SLC9A3: variants seen among roughly 807,000 people sequenced by gnomAD.
SLC9A3 encodes sodium/hydrogen exchanger 3.
A neutral mutation model predicts 86.8 loss-of-function variants in SLC9A3; 37 were observed. The ratio of observed to expected loss-of-function variants is 0.43; its 90% CI spans 0.33 to 0.56. The LOEUF (loss-of-function observed/expected upper bound fraction) is 0.56, where lower values mean the gene tolerates loss of function less well. Among genes scored for constraint, SLC9A3 ranks in the 20% least tolerant of loss-of-function variants. The pLI, the probability that SLC9A3 is intolerant of heterozygous loss-of-function variation, is 0.06. For synonymous variants in SLC9A3, 581 were observed against 528.3 expected, an observed-to-expected ratio of 1.10 and a Z score of -1.37; for missense variants, 1,011 against 1,171.9, an observed-to-expected ratio of 0.86 and a Z score of 2.00.
intron 1 of SLC9A3, among the ~76,000 whole-genome samples, chr5:519,946 C>T (rs913100309): frequency 4.6e-5 from 7 of 152,200 alleles, no homozygotes; most frequent in Non-Finnish European, 1.0e-4. Context: ...ATACCCGTCT[C>T]GCTCCTGCCT....
In SLC9A3 at chr5:472,960, G is replaced by A. The variant is rs973632517; in HGVS notation, c.*419C>T. On this transcript the variant is annotated 3_prime_UTR_variant, in exon 17 of 17. Transcript: ENST00000264938. ...TGGCGCGCGGACCCTTCCCGCCGGC[G>A]GCGTCACAGCGGCGTCTCCTCCTGC... is the stretch of plus-strand genomic sequence containing the variant. 2 of 526,674 alleles carry A rather than the reference G, an allele frequency of 3.8e-6. No homozygotes were observed. The highest frequency in any genetic ancestry group is 7.3e-5 in the East Asian group (2 of 27,454). 32.6% of individuals were successfully genotyped at this position (526,674 alleles called of 1,614,324 possible). A position where few individuals can be genotyped will look rare whatever the true frequency, so the allele number is the denominator to read the frequency against.
rs575163606 is a variant in SLC9A3 at position 477,383 on chromosome 5, A to G, written c.1709T>C (p.Val570Ala). 2 of 1,613,210 alleles carry G rather than the reference A, an allele frequency of 1.2e-6. No individual in the cohort carries two copies. Among genetic ancestry groups the G allele is most frequent in the South Asian group, 2.2e-5 (2 of 91,024 alleles). ...RSPSTDNVVN[V>A]DFTPRSSTVE... ...GGTGGACGATCGTGGCGTGAAGTCCACGTTGACCACGTTGTCGGTGCTGGG... is the reference window on the plus strand; with the variant it reads ...GGTGGACGATCGTGGCGTGAAGTCCGCGTTGACCACGTTGTCGGTGCTGGG... The change falls in exon 11 of 17, where the codon GTG becomes GCG. Residue 570 changes from valine to alanine, a missense_variant. By Grantham distance (64) the Val-to-Ala change is moderately conservative. Coordinates refer to ENST00000264938, the MANE Select transcript of SLC9A3 (RefSeq NM_004174.4).
chr5:510,425 G>T (rs552555418), intron 1 of SLC9A3, among the ~76,000 whole-genome samples: 5 of 152,302 alleles, frequency 3.3e-5, no homozygotes, highest in Non-Finnish European at 7.4e-5. Context: ...TGAGCCCAGG[G>T]GTGGAGACCT....
intron 1 of SLC9A3, among the ~76,000 whole-genome samples, chr5:494,007 C>T (rs765710992): frequency 2.0e-5 from 3 of 152,232 alleles, no homozygotes; most frequent in South Asian, 2.1e-4. Context: ...CTGGGGAACA[C>T]GGAGGGTGAG....
chr5:507,082 AAAT>A lies in SLC9A3; in HGVS notation c.212-15014_212-15012del, dbSNP rs1426585134. On this transcript the variant is annotated intron_variant, in intron 1 of 16. Coordinates refer to ENST00000264938, the MANE Select transcript of SLC9A3 (RefSeq NM_004174.4). ...ACAGAGTGATACTGTCTCAAAAAAT[AAAT>A]AAATAAATAAATAAATAAATAAATA... Among the ~76,000 whole-genome samples, 26 of 29,526 alleles carry A rather than the reference AAAT, an allele frequency of 8.8e-4. No individual in the cohort carries two copies. The South Asian group carries it at 0.012, about 13-fold the overall frequency. 19.4% of individuals were successfully genotyped at this position (29,526 alleles called of 152,430 possible). A position where few individuals can be genotyped will look rare whatever the true frequency, so the allele number is the denominator to read the frequency against.
intron 2 of SLC9A3, among the ~76,000 whole-genome samples, chr5:489,580 TGGC>T (rs1739631213): frequency 6.6e-6 from 1 of 152,204 alleles, no homozygotes; most frequent in African/African-American, 2.4e-5. Flanking sequence ...CAGCAGCCTC[TGGC>T]CAGTGTCACA....
rs577512166 is a variant in SLC9A3 at position 483,278 on chromosome 5, G to A, written c.1137C>T (p.Ser379=). 5.2e-6 allele frequency: 8 copies of A among 1,548,838 alleles called. No homozygotes were observed. The highest frequency in any genetic ancestry group is 2.4e-5 in the East Asian group (1 of 40,924). ...CCGCCTCACCGATGGCCCGGTACAC[G>A]GAGATGAAGACCAGCGTCAGGAGCA... The part of the protein sequence containing the change: ...AFVLLTLVFI[S]VYRAIGVVLQ... Residue 379 remains serine (S), a synonymous_variant, in exon 6 of 17, where the codon TCC becomes TCT. Coordinates refer to ENST00000264938, the MANE Select transcript of SLC9A3 (RefSeq NM_004174.4).
At chr5:522,761 A>G (rs796802644) in intron 1 of SLC9A3, among the ~76,000 whole-genome samples, 35 of 152,142 alleles carry the variant, frequency 2.3e-4, no homozygotes, top group African/African-American at 6.7e-4. Context: ...AAAAAGAAAA[A>G]AAAAGAAATT....
rs966258985 is a variant in SLC9A3 at position 473,173 on chromosome 5, C to G, written c.*206G>C. On this transcript the variant is annotated 3_prime_UTR_variant, in exon 17 of 17. Coordinates refer to ENST00000264938, the MANE Select transcript of SLC9A3 (RefSeq NM_004174.4). The stretch of plus-strand genomic sequence containing the variant: ...CCCGCCCCCGGCGCAGGCCCCGCCC[C>G]CGGCTCGCCCTCGGGCGGCTCTGCG... The G allele has an allele frequency of 2.5e-4, 118 of 469,710 alleles. No individual in the cohort carries two copies. The highest frequency in any genetic ancestry group is 2.3e-3 in the African/African-American group (111 of 48,908). 29.1% of individuals were successfully genotyped at this position (469,710 alleles called of 1,614,324 possible). A position where few individuals can be genotyped will look rare whatever the true frequency, so the allele number is the denominator to read the frequency against.
chr5:505,160 A>G (rs1172207813), intron 1 of SLC9A3, among the ~76,000 whole-genome samples: 1 of 109,388 alleles, frequency 9.1e-6, no homozygotes, highest in African/African-American at 3.8e-5. Context: ...AGAGGCTCTT[A>G]AGGGAGGGAG....
At chr5:507,183 T>TTTTTTTTGTTTTTTTTTTG (rs1320617129) in intron 1 of SLC9A3, among the ~76,000 whole-genome samples, 1 of 88,978 alleles carries the variant, frequency 1.1e-5, no homozygotes, top group African/African-American at 5.4e-5. Context: ...TTTTTTTTTT[T>TTTTTTTTGTTTTTTTTTTG]TTTGAGACGG....
In SLC9A3 at chr5:489,055, G is replaced by A. The variant is rs953917892; in HGVS notation, c.515-579C>T. Among the ~76,000 whole-genome samples the A allele has an allele frequency of 4.6e-5, 7 of 152,180 alleles. No individual in the cohort carries two copies. In the East Asian group the frequency reaches 5.8e-4, roughly 13 times the overall value. On this transcript the variant is annotated intron_variant, in intron 2 of 16. Transcript: ENST00000264938. ...CTGCCTGTGGGCTCTGGTGCCCCTC[G>A]CTGGGGAGGTTTTACTGAAATGCAG...
In SLC9A3 at chr5:471,223, C is replaced by T; in HGVS notation, c.*2156G>A. Reference sequence around the variant, plus strand: ...TGTGGAGATCAGGCGGCGATTACCGCATCTTCTTTGCTGACTTTGGTAACC... The same window carrying T: ...TGTGGAGATCAGGCGGCGATTACCGTATCTTCTTTGCTGACTTTGGTAACC... On this transcript the variant is annotated 3_prime_UTR_variant, in exon 17 of 17. Coordinates refer to ENST00000264938, the MANE Select transcript of SLC9A3 (RefSeq NM_004174.4). 6.2e-6 allele frequency: 1 copy of T among 161,222 alleles called. No homozygotes were observed. Among genetic ancestry groups the T allele is most frequent in the South Asian group, 1.6e-4 (1 of 6,112 alleles). 10.0% of individuals were successfully genotyped at this position (161,222 alleles called of 1,614,324 possible).
At chr5:490,636 G>A (rs757503836) in intron 2 of SLC9A3, among the ~76,000 whole-genome samples, 46 of 152,234 alleles carry the variant, frequency 3.0e-4, no homozygotes, top group South Asian at 4.1e-4. Flanking sequence ...GATCTCATGG[G>A]CGAGGGGCCA....
chr5:477,318 C>T lies in SLC9A3; in HGVS notation c.1760+14G>A. 6.4e-7 allele frequency: 1 copy of T among 1,565,354 alleles called. No individual in the cohort carries two copies. The highest frequency in any genetic ancestry group is 8.8e-7 in the Non-Finnish European group (1 of 1,141,688). ...GCTCTTCCCCAGGGAAGCTGCATGA[C>T]CATGGCCACATACAGGAGGTAGGAG... is the stretch of plus-strand genomic sequence containing the variant. On this transcript the variant is annotated intron_variant, in intron 11 of 16. Coordinates refer to ENST00000264938, the MANE Select transcript of SLC9A3 (RefSeq NM_004174.4).
chr5:480,753 G>T (rs192776874), intron 9 of SLC9A3: 2 of 152,366 alleles, frequency 1.3e-5, no homozygotes, highest in African/African-American at 4.8e-5. Context: ...CACACCTCCC[G>T]GTGCCTCCAC....
intron 1 of SLC9A3, among the ~76,000 whole-genome samples, chr5:501,812 G>A (rs747848550): frequency 2.0e-5 from 3 of 152,236 alleles, no homozygotes; most frequent in Non-Finnish European, 4.4e-5. Context: ...TCCGCCGTGC[G>A]GCCTGGCAGA....
At chr5:482,291 C>A in intron 7 of SLC9A3, 134 bp from the exon 8 acceptor site, 1 of 724,124 alleles carries the variant, frequency 1.4e-6, no homozygotes, top group African/African-American at 1.8e-5. Flanking sequence ...ACCCAGCAAC[C>A]CGCGCCCCTG....
At chr5:484,088 A>G (rs574528750) in intron 5 of SLC9A3, among the ~76,000 whole-genome samples, 470 of 148,476 alleles carry the variant, frequency 3.2e-3, no homozygotes, top group Non-Finnish European at 4.4e-3. Flanking sequence ...TGGCTGGCTC[A>G]CCCCGCCGGA....
Sources: gnomAD v4.1 joint callset for allele counts (sites outside exome capture counted in the v4.1 genomes callset) on GRCh38, gnomAD v4.1.1 for gene constraint, MANE v1.5 for transcripts, NCBI Gene and HGNC (gene_info 2026-07-23, HGNC 2026-07-21) for gene names.